The following VRK2 variants were observed in gnomAD, a reference collection of about 807,000 sequenced individuals.
The protein encoded by VRK2 is serine/threonine-protein kinase VRK2.
In VRK2, 60 loss-of-function variants were observed where a neutral mutation model predicts 57.6. That is an observed-to-expected ratio of 1.04 (90% CI 0.85 to 1.29). The LOEUF is 1.29. VRK2 is among the 50% of genes most tolerant of loss of function. VRK2 has a pLI of 0.00. For missense variants in VRK2, 705 were observed against 588.1 expected (o/e 1.20, Z -2.06); for synonymous variants, 231 against 199.2 (o/e 1.16, Z -1.35).
intron 1 of VRK2, among the ~76,000 whole-genome samples, chr2:57,925,026 A>G (rs9808535): frequency 6.6e-6 from 1 of 151,824 alleles, no homozygotes; most frequent in African/African-American, 2.4e-5. Flanking sequence ...TGATTTGCCT[A>G]TGTTGCTCCA....
chr2:58,070,867 A>G (rs1403863565), intron 2 of VRK2, among the ~76,000 whole-genome samples: 2 of 152,150 alleles, frequency 1.3e-5, no homozygotes, highest in Admixed American at 1.3e-4. Context: ...GACTGTGTTT[A>G]GCTTTGTAAG....
intron 2 of VRK2, chr2:58,026,981 A>C (rs1673950116): frequency 6.6e-6 from 1 of 152,012 alleles, no homozygotes. Context: ...GACCTCCCAA[A>C]GTGCTGGGAT....
chr2:57,957,659 G>C (rs1013888933), intron 1 of VRK2, among the ~76,000 whole-genome samples: 1 of 146,998 alleles, frequency 6.8e-6, no homozygotes, highest in Non-Finnish European at 1.5e-5. Flanking sequence ...TATAGATATA[G>C]ACATAGATAT....
At chr2:58,049,238 T>G (rs1368737234) in intron 2 of VRK2, among the ~76,000 whole-genome samples, 3 of 152,196 alleles carry the variant, frequency 2.0e-5, no homozygotes, top group Non-Finnish European at 4.4e-5. Flanking sequence ...AACTTTCTTT[T>G]TTTTTGAGAG....
intron 1 of VRK2, among the ~76,000 whole-genome samples, chr2:57,997,938 A>G (rs1672976185): frequency 6.6e-6 from 1 of 152,154 alleles, no homozygotes; most frequent in Non-Finnish European, 1.5e-5. Context: ...AAAGAAAGAA[A>G]TTAGGATATA....
At chr2:58,124,727 A>T (rs777542508) in intron 8 of VRK2, among the ~76,000 whole-genome samples, 1 of 152,318 alleles carries the variant, frequency 6.6e-6, no homozygotes, top group Middle Eastern at 3.4e-3. Context: ...AGGTAGGCCA[A>T]TGCAAAAGTA....
chr2:58,056,744 G>A (rs149135916), intron 2 of VRK2, among the ~76,000 whole-genome samples: 473 of 152,246 alleles, frequency 3.1e-3, no homozygotes, highest in Middle Eastern at 0.014. Flanking sequence ...TAGTGTGGTG[G>A]CATGTGATGC....
chr2:57,986,578 T>A (rs1377950738), intron 1 of VRK2, among the ~76,000 whole-genome samples: 1 of 149,690 alleles, frequency 6.7e-6, no homozygotes, highest in Admixed American at 6.7e-5. Flanking sequence ...ATAGACCCAC[T>A]AATACATAGT....
intron 1 of VRK2, among the ~76,000 whole-genome samples, chr2:57,985,858 A>G (rs1318632622): frequency 6.6e-6 from 1 of 152,174 alleles, no homozygotes; most frequent in Non-Finnish European, 1.5e-5. Context: ...CAAAGAATGC[A>G]AAGTCAATAT....
intron 1 of VRK2, among the ~76,000 whole-genome samples, chr2:57,912,306 A>C (rs1558488811): frequency 1.3e-5 from 2 of 152,226 alleles, no homozygotes; most frequent in Non-Finnish European, 2.9e-5. Flanking sequence ...TCATACTTTG[A>C]GTGATGACAT....
At chr2:57,997,581 G>A (rs1308907413) in intron 1 of VRK2, among the ~76,000 whole-genome samples, 1 of 152,194 alleles carries the variant, frequency 6.6e-6, no homozygotes, top group Non-Finnish European at 1.5e-5. Context: ...TGAGTCAATA[G>A]ATAATGCTTA....
intron 1 of VRK2, among the ~76,000 whole-genome samples, chr2:58,013,532 T>C (rs955294214): frequency 2.0e-5 from 3 of 152,176 alleles, no homozygotes; most frequent in African/African-American, 7.2e-5. Context: ...TAAGTAATAA[T>C]AAATTGCTAA....
intron 1 of VRK2, among the ~76,000 whole-genome samples, chr2:57,970,908 T>A (rs1469742463): frequency 6.6e-6 from 1 of 151,848 alleles, no homozygotes; most frequent in African/African-American, 2.4e-5. Context: ...ATTGATAGGA[T>A]TTTTTTTCCT....
At chr2:58,060,655 A>G (rs543216588) in intron 2 of VRK2, among the ~76,000 whole-genome samples, 3 of 152,066 alleles carry the variant, frequency 2.0e-5, no homozygotes, top group East Asian at 1.9e-4. Flanking sequence ...AATAAAGACC[A>G]TAATGAAAAA....
At chr2:57,927,160 C>T (rs1447170801) in intron 1 of VRK2, among the ~76,000 whole-genome samples, 1 of 151,982 alleles carries the variant, frequency 6.6e-6, no homozygotes, top group Non-Finnish European at 1.5e-5. Context: ...TAAAACTCTA[C>T]ACTTAAACTT....
At chr2:57,980,539 G>A (rs1451884996) in intron 1 of VRK2, among the ~76,000 whole-genome samples, 1 of 152,106 alleles carries the variant, frequency 6.6e-6, no homozygotes, top group Non-Finnish European at 1.5e-5. Flanking sequence ...TTTTGTAGAT[G>A]TCTCTCAGGG....
chr2:58,127,799 C>T (rs541763936), intron 8 of VRK2, among the ~76,000 whole-genome samples: 3 of 152,222 alleles, frequency 2.0e-5, no homozygotes, highest in Admixed American at 6.5e-5. Flanking sequence ...TATTTCCTAC[C>T]GAACCCTGTT....
At chr2:57,937,873 C>T (rs1355541638) in intron 1 of VRK2, among the ~76,000 whole-genome samples, 1 of 130,374 alleles carries the variant, frequency 7.7e-6, no homozygotes, top group Non-Finnish European at 1.5e-5. Context: ...GCCCTGTCTC[C>T]TAGGCTGGAG....
intron 12 of VRK2, among the ~76,000 whole-genome samples, chr2:58,152,107 C>G (rs752401153): frequency 2.6e-4 from 39 of 151,912 alleles, no homozygotes; most frequent in South Asian, 2.1e-4. Context: ...CAGGTAGAAT[C>G]TATTTTAATA....
Sources: allele counts gnomAD v4.1 joint callset (sites outside exome capture counted in the v4.1 genomes callset), GRCh38; gene constraint gnomAD v4.1.1; transcripts MANE v1.5; gene names NCBI Gene and HGNC (gene_info 2026-07-23, HGNC 2026-07-21).